IFI16: variants seen among roughly 807,000 people sequenced by gnomAD.
IFI16 encodes gamma-interferon-inducible protein 16.
Under a neutral mutation model 68.4 loss-of-function variants are expected in IFI16, and 49 were observed. The ratio of observed to expected loss-of-function variants is 0.72; its 90% CI spans 0.57 to 0.91. The LOEUF (loss-of-function observed/expected upper bound fraction) is 0.91, where lower values mean the gene tolerates loss of function less well. Among genes scored for constraint, IFI16 ranks in the 40% least tolerant of loss-of-function variants. The pLI is 0.00. For synonymous variants in IFI16, 307 were observed against 315.0 expected (o/e 0.97, Z 0.27); for missense variants, 878 against 942.9 (o/e 0.93, Z 0.90).
chr1:159,038,553 G>T (rs748015190), intron 7 of IFI16, among the ~76,000 whole-genome samples: 24 of 152,144 alleles, frequency 1.6e-4, no homozygotes, highest in Non-Finnish European at 3.1e-4. Context: ...GTTTTGTAGA[G>T]ATGAGGTCTC....
chr1:159,009,022 C>T (rs191814228), upstream of IFI16: 5 of 152,214 alleles, frequency 3.3e-5, no homozygotes, highest in Admixed American at 2.0e-4. Flanking sequence ...GGTTACAGCA[C>T]GCTAAAGGGC....
At chr1:159,009,615 C>G (rs1332712020), upstream of IFI16, among the ~76,000 whole-genome samples, 6 of 152,196 alleles carry the variant, frequency 3.9e-5, no homozygotes, top group Non-Finnish European at 8.8e-5. Context: ...TGTTGGAACT[C>G]CTTTCAGCTA....
intron 6 of IFI16, among the ~76,000 whole-genome samples, chr1:159,024,623 G>A (rs561593500): frequency 1.3e-5 from 2 of 152,302 alleles, no homozygotes; most frequent in South Asian, 4.1e-4. Context: ...ACAATGATGA[G>A]TGCTACGGGT....
intron 7 of IFI16, among the ~76,000 whole-genome samples, chr1:159,043,173 C>T (rs957364770): frequency 1.3e-5 from 2 of 152,150 alleles, no homozygotes; most frequent in Non-Finnish European, 1.5e-5. Flanking sequence ...TTTCCTGGTT[C>T]TTCTTGGGCA....
At chr1:159,041,720 G>T (rs1654654798) in intron 7 of IFI16, among the ~76,000 whole-genome samples, 1 of 152,268 alleles carries the variant, frequency 6.6e-6, no homozygotes, top group Non-Finnish European at 1.5e-5. Context: ...TCAGACTGAA[G>T]ACTATAATCC....
At chr1:159,029,945 GTGCTGGGATTACAGGCATGAGCCACCA>G (rs147670903) in intron 6 of IFI16, among the ~76,000 whole-genome samples, 42,713 of 151,692 alleles carry the variant, frequency 0.28, 8,086 homozygotes, top group African/African-American at 0.54. Context: ...GCCTCCCAAA[GTGCTGGGATTACAGGCATGAGCCACCA>G]TGCCCGGCAG....
At position 159,045,800 on chromosome 1, in the gene IFI16, G is replaced by C. The variant is rs1654945559; in HGVS notation, c.1497+336G>C. Reference sequence around the variant, plus strand: ...CAGAGCCAACCATAACACTATCACTGATTCTTTCTCTTTCATTTATTATAA... The same window carrying C: ...CAGAGCCAACCATAACACTATCACTCATTCTTTCTCTTTCATTTATTATAA... On this transcript the variant is annotated intron_variant, in intron 8 of 11. Coordinates refer to ENST00000295809, the MANE Select transcript of IFI16 (RefSeq NM_001376587.1). 1.3e-5 allele frequency among the ~76,000 whole-genome samples: 2 copies of C among 151,032 alleles called. 1 individual carries two copies. The highest frequency in any genetic ancestry group is 3.0e-5 in the Non-Finnish European group (2 of 67,578).
chr1:159,005,591 GA>G (rs1170281804), upstream of IFI16, among the ~76,000 whole-genome samples: 2 of 152,154 alleles, frequency 1.3e-5, no homozygotes, highest in Admixed American at 1.3e-4. Context: ...TGAGCAACAG[GA>G]AAAGTAGAAT....
At chr1:159,022,122 C>G (rs1653371173) in intron 6 of IFI16, among the ~76,000 whole-genome samples, 1 of 152,020 alleles carries the variant, frequency 6.6e-6, no homozygotes, top group Admixed American at 6.5e-5. Flanking sequence ...CGCCACCGCC[C>G]CCGGCTAAAT....
intron 7 of IFI16, among the ~76,000 whole-genome samples, chr1:159,032,974 C>T (rs1654101727): frequency 6.6e-6 from 1 of 151,814 alleles, no homozygotes; most frequent in Non-Finnish European, 1.5e-5. Flanking sequence ...AGTGGCCAGA[C>T]AAGCAGAGAC....
chr1:159,010,855 G>A (rs864439), intron 1 of IFI16, among the ~76,000 whole-genome samples: 144,637 of 152,196 alleles, frequency 0.95, 69,158 homozygotes, highest in East Asian at 1. Context: ...GGGGAAGGCA[G>A]TTAGGAAAAG....
intron 4 of IFI16, 70 bp from the exon 5 acceptor site, chr1:159,018,159 G>A (rs182209874): frequency 1.4e-5 from 19 of 1,335,962 alleles, no homozygotes; most frequent in African/African-American, 1.3e-4. Context: ...TTATACTGAG[G>A]TCACTGAATA....
At chr1:159,020,159 G>T (rs1265896477) in intron 5 of IFI16, among the ~76,000 whole-genome samples, 182 bp from the exon 6 acceptor site, 1 of 152,070 alleles carries the variant, frequency 6.6e-6, no homozygotes, top group Non-Finnish European at 1.5e-5. Context: ...AGATATGAAA[G>T]ACTTAAACAA....
Position 159,020,434 on chromosome 1 carries a change from T to G in IFI16, c.1066T>G (p.Cys356Gly), listed in dbSNP as rs1488788758. 2 of 1,613,032 alleles carry G rather than the reference T, an allele frequency of 1.2e-6. No individual in the cohort carries two copies. Among genetic ancestry groups the G allele is most frequent in the Non-Finnish European group, 1.7e-6 (2 of 1,179,104 alleles). Residue 356 changes from cysteine (C) to glycine (G), a missense_variant, in exon 6 of 12, where the codon TGT becomes GGT. Transcript: ENST00000295809. ...VGTGQCHNIP[C>G]EEGDKLQLFC... is the part of the protein sequence containing the mutation. ...GACAGGACAATGTCACAATATCCCCTGTGAAGAAGGAGATAAGCTCCAACT... is the reference window on the plus strand; with the variant it reads ...GACAGGACAATGTCACAATATCCCCGGTGAAGAAGGAGATAAGCTCCAACT...
chr1:159,052,270 T>C, intron 10 of IFI16, 172 bp downstream of exon 10: 1 of 593,062 alleles, frequency 1.7e-6, no homozygotes, highest in South Asian at 2.1e-5. Flanking sequence ...ATGGGGTACG[T>C]TATATTGTAA....
intron 6 of IFI16, among the ~76,000 whole-genome samples, chr1:159,023,272 T>C (rs1479296189): frequency 2.6e-5 from 4 of 152,200 alleles, no homozygotes; most frequent in African/African-American, 9.6e-5. Context: ...AGGTATAACA[T>C]TGAGTTTTAA....
intron 1 of IFI16, among the ~76,000 whole-genome samples, chr1:159,013,396 C>T (rs1652708497): frequency 1.3e-5 from 2 of 151,892 alleles, no homozygotes; most frequent in Non-Finnish European, 2.9e-5. Flanking sequence ...TTTTGATCTC[C>T]GGAACTTGTG....
intron 7 of IFI16, among the ~76,000 whole-genome samples, chr1:159,034,331 G>C (rs1479640372): frequency 1.3e-5 from 2 of 152,172 alleles, no homozygotes; most frequent in African/African-American, 4.8e-5. Context: ...ACTAGTCTCT[G>C]TGTCTTTTGA....
At chr1:159,021,026 T>C (rs542079876) in intron 6 of IFI16, among the ~76,000 whole-genome samples, 1 of 152,346 alleles carries the variant, frequency 6.6e-6, no homozygotes, top group South Asian at 2.1e-4. Flanking sequence ...TTAATTTGAA[T>C]TCAAATATTC....
Sources: gnomAD v4.1 joint callset for allele counts (sites outside exome capture counted in the v4.1 genomes callset) on GRCh38, gnomAD v4.1.1 for gene constraint, MANE v1.5 for transcripts, NCBI Gene and HGNC (gene_info 2026-07-23, HGNC 2026-07-21) for gene names.